The following PDC variants were observed in gnomAD, a reference collection of about 807,000 sequenced individuals.
PDC encodes phosducin.
PDC carries 19 observed loss-of-function variants against 22.2 expected under a neutral mutation model. The ratio of observed to expected loss-of-function variants is 0.86; its 90% CI spans 0.60 to 1.26. The LOEUF is 1.26. Among genes scored for constraint, PDC ranks in the 50% most tolerant of loss-of-function variants. The pLI, the probability that PDC is intolerant of heterozygous loss-of-function variation, is 0.00. For synonymous variants in PDC, 97 were observed against 96.2 expected, an observed-to-expected ratio of 1.01 and a Z score of -0.05; for missense variants, 274 against 286.8, an observed-to-expected ratio of 0.96 and a Z score of 0.32.
At chr1:186,445,587 G>T (rs966191515) in intron 3 of PDC, among the ~76,000 whole-genome samples, 1 of 152,156 alleles carries the variant, frequency 6.6e-6, no homozygotes, top group Non-Finnish European at 1.5e-5. Context: ...GGCAGGCCAA[G>T]GAAGGTGGAT....
intron 1 of PDC, among the ~76,000 whole-genome samples, chr1:186,458,987 C>A (rs887117302): frequency 6.6e-6 from 1 of 152,238 alleles, no homozygotes; most frequent in South Asian, 2.1e-4. Flanking sequence ...CATGGCAAAA[C>A]CCCATCTCTA....
chr1:186,459,426 G>C, intron 1 of PDC, among the ~76,000 whole-genome samples: 1 of 152,176 alleles, frequency 6.6e-6, no homozygotes, highest in Non-Finnish European at 1.5e-5. Flanking sequence ...CTCCCGAGGT[G>C]CCGGGATTGC....
At chr1:186,447,408 C>T (rs1216442042) in intron 2 of PDC, among the ~76,000 whole-genome samples, 3 of 152,132 alleles carry the variant, frequency 2.0e-5, no homozygotes, top group Admixed American at 2.0e-4. Flanking sequence ...CTCAGCCTCC[C>T]AGAGTGCTGG....
chr1:186,448,412 C>T (rs567436267), intron 2 of PDC, among the ~76,000 whole-genome samples: 14 of 152,110 alleles, frequency 9.2e-5, no homozygotes, highest in South Asian at 2.1e-4. Context: ...CTTTTCTTAT[C>T]GATTTGTAGA....
At position 186,444,562 on chromosome 1, in the gene PDC, T is replaced by C. The variant is rs990438208; in HGVS notation, c.214-56A>G. ...AGTCAGAAGTTTTATTCCTTAGATA[T>C]ACCAAGCCCATTCTCAACCGAAGGA... On this transcript the variant is annotated intron_variant, in intron 3 of 3. Transcript: ENST00000391997. 5 of 1,186,252 alleles carry C rather than the reference T, an allele frequency of 4.2e-6. No individual in the cohort carries two copies. In the African/African-American group the frequency reaches 7.7e-5, roughly 18 times the overall value. The allele number at this position is 1,186,252 out of a possible 1,614,324, so 73.5% of individuals were successfully genotyped here.
intron 1 of PDC, chr1:186,451,597 G>A (rs559983982): frequency 6.6e-6 from 1 of 152,174 alleles, no homozygotes; most frequent in East Asian, 1.9e-4. Context: ...ATATACATAA[G>A]TTCAAGAAAA....
Position 186,443,819 on chromosome 1 carries a change from A to G in PDC, c.*160T>C. 1.7e-6 allele frequency: 1 copy of G among 605,394 alleles called. No homozygotes were observed. The highest frequency in any genetic ancestry group is 2.9e-6 in the Non-Finnish European group (1 of 340,848). The allele number at this position is 605,394 out of a possible 1,614,324, so 37.5% of individuals were successfully genotyped here. Reference sequence around the variant, plus strand: ...AAGCATTGTATCAATTTGAGTAACTAATACTAAGAAATGCTAATAACTCGA... The same window carrying G: ...AAGCATTGTATCAATTTGAGTAACTGATACTAAGAAATGCTAATAACTCGA... On this transcript the variant is annotated 3_prime_UTR_variant, in exon 4 of 4. Coordinates refer to ENST00000391997, the MANE Select transcript of PDC (RefSeq NM_002597.5).
intron 1 of PDC, among the ~76,000 whole-genome samples, chr1:186,459,828 A>G (rs1662545404): frequency 6.9e-6 from 1 of 145,852 alleles, no homozygotes; most frequent in African/African-American, 2.5e-5. Flanking sequence ...GTTAATAAAA[A>G]TACTCCATTG....
chr1:186,450,056 A>C (rs1266620651), intron 1 of PDC, among the ~76,000 whole-genome samples: 1 of 152,198 alleles, frequency 6.6e-6, no homozygotes, highest in Non-Finnish European at 1.5e-5. Context: ...TACTTGCCCA[A>C]GATCATACAA....
chr1:186,452,523 G>C (rs1356070108), intron 1 of PDC, among the ~76,000 whole-genome samples: 1 of 152,212 alleles, frequency 6.6e-6, no homozygotes, highest in Non-Finnish European at 1.5e-5. Flanking sequence ...ACAGGCATAA[G>C]GCACCGTGCC....
Position 186,451,083 on chromosome 1 carries a change from A to C in PDC, c.-24-1600T>G, listed in dbSNP as rs536534330. On this transcript the variant is annotated intron_variant, in intron 1 of 3. Coordinates refer to ENST00000391997, the MANE Select transcript of PDC (RefSeq NM_002597.5). ...TTCCCAAGGCGCAGGGTGGTAACAC[A>C]GAACTCTTTCTTGATTTCTCTTTTG... The C allele has an allele frequency of 2.0e-5, 3 of 152,334 alleles. No homozygotes were observed. In the South Asian group the frequency reaches 6.2e-4, roughly 32 times the overall value. The allele number at this position is 152,334 out of a possible 1,614,324, so 9.4% of individuals were successfully genotyped here.
chr1:186,453,835 G>C (rs1571724944), intron 1 of PDC, among the ~76,000 whole-genome samples: 2 of 139,140 alleles, frequency 1.4e-5, no homozygotes, highest in Admixed American at 1.4e-4. Context: ...TGTAGACTCT[G>C]AGAGATTGAG....
At chr1:186,459,881 G>A (rs761209123) in intron 1 of PDC, among the ~76,000 whole-genome samples, 2 of 146,206 alleles carry the variant, frequency 1.4e-5, no homozygotes, top group African/African-American at 5.0e-5. Context: ...AAACTGTAAG[G>A]TTTATTAGTA....
chr1:186,454,849 G>A (rs148544069), intron 1 of PDC, among the ~76,000 whole-genome samples: 6 of 152,274 alleles, frequency 3.9e-5, no homozygotes, highest in Admixed American at 1.3e-4. Context: ...TGTATTTGAA[G>A]TTACAATTCT....
chr1:186,453,666 A>G (rs1662396970), intron 1 of PDC, among the ~76,000 whole-genome samples: 1 of 152,096 alleles, frequency 6.6e-6, no homozygotes, highest in Non-Finnish European at 1.5e-5. Context: ...GATGGAGGCA[A>G]TTTTTTACTT....
At chr1:186,457,305 G>T (rs984042031) in intron 1 of PDC, among the ~76,000 whole-genome samples, 3 of 152,110 alleles carry the variant, frequency 2.0e-5, no homozygotes, top group East Asian at 3.9e-4. Context: ...AGATAGGTTT[G>T]ACAACACCAT....
chr1:186,454,652 A>G (rs892333201), intron 1 of PDC, among the ~76,000 whole-genome samples: 1 of 152,220 alleles, frequency 6.6e-6, no homozygotes, highest in Non-Finnish European at 1.5e-5. Context: ...TCAATTATAC[A>G]TAAAAGTAAA....
At chr1:186,445,246 C>A (rs1662199522) in intron 3 of PDC, among the ~76,000 whole-genome samples, 1 of 152,098 alleles carries the variant, frequency 6.6e-6, no homozygotes, top group African/African-American at 2.4e-5. Context: ...CAGCTCAGAA[C>A]CATGGATTTT....
chr1:186,452,499 A>G (rs1362059388), intron 1 of PDC, among the ~76,000 whole-genome samples: 1 of 152,164 alleles, frequency 6.6e-6, no homozygotes, highest in Non-Finnish European at 1.5e-5. Context: ...TGGCCTCCCA[A>G]AAGTGCTGGG....
Sources: allele counts gnomAD v4.1 joint callset (sites outside exome capture counted in the v4.1 genomes callset), GRCh38; gene constraint gnomAD v4.1.1; transcripts MANE v1.5; gene names NCBI Gene and HGNC (gene_info 2026-07-23, HGNC 2026-07-21).